Variants in MOB1B observed in about 807,000 individuals in gnomAD.
The protein encoded by MOB1B is MOB1 Mps One Binder homolog B.
In MOB1B, 19 loss-of-function variants were observed where a neutral mutation model predicts 24.4. That is an observed-to-expected ratio of 0.78 (90% confidence interval 0.54 to 1.14). The LOEUF is 1.14. Among genes scored for constraint, MOB1B ranks in the 50% most tolerant of loss-of-function variants. The pLI, the probability that MOB1B is intolerant of heterozygous loss-of-function variation, is 0.00. For synonymous variants in MOB1B, 76 were observed against 82.1 expected (o/e 0.93, Z 0.40); for missense variants, 243 against 259.6 (o/e 0.94, Z 0.44).
At chr4:70,903,642 TTTCTC>T (rs1284881824) in intron 1 of MOB1B, among the ~76,000 whole-genome samples, 2 of 152,242 alleles carry the variant, frequency 1.3e-5, no homozygotes, top group African/African-American at 4.8e-5. Flanking sequence ...TTTCTTAAGA[TTTCTC>T]TTCTTTCCTT....
Position 70,904,669 on chromosome 4 carries a change from G to GT in MOB1B, c.14+2120dup, listed in dbSNP as rs1168874751. On this transcript the variant is annotated intron_variant, in intron 1 of 5. Transcript: ENST00000309395. ...AGCTACTTGGGAGGCTGAGACGGGA[G>GT]TATCACTTGAACCCGGGAGGTAGAG... Among the ~76,000 whole-genome samples, 8 of 151,064 alleles carry GT rather than the reference G, an allele frequency of 5.3e-5. No individual in the cohort carries two copies. In the South Asian group the frequency reaches 1.3e-3, roughly 24 times the overall value.
At chr4:70,944,518 C>G (rs1737491103) in intron 1 of MOB1B, among the ~76,000 whole-genome samples, 2 of 152,044 alleles carry the variant, frequency 1.3e-5, no homozygotes, top group Non-Finnish European at 2.9e-5. Flanking sequence ...AGATTGTTGT[C>G]AAATTTGGGG....
chr4:70,965,398 AT>A (rs1294129075), intron 2 of MOB1B, among the ~76,000 whole-genome samples: 1 of 149,940 alleles, frequency 6.7e-6, no homozygotes, highest in Non-Finnish European at 1.5e-5. Flanking sequence ...TATTTTAAAA[AT>A]AATATTAATT....
At chr4:70,904,044 G>A (rs1455587807) in intron 1 of MOB1B, among the ~76,000 whole-genome samples, 2 of 146,770 alleles carry the variant, frequency 1.4e-5, no homozygotes, top group African/African-American at 2.5e-5. Context: ...GTGTAGTGGC[G>A]TGATCTCGGC....
intron 1 of MOB1B, among the ~76,000 whole-genome samples, chr4:70,906,691 A>T (rs1034367830): frequency 1.3e-5 from 2 of 152,160 alleles, no homozygotes; most frequent in African/African-American, 2.4e-5. Context: ...TGCACTGCAT[A>T]TGTGGGTTTG....
chr4:70,909,159 T>C (rs1735879527), intron 1 of MOB1B, among the ~76,000 whole-genome samples: 1 of 152,120 alleles, frequency 6.6e-6, no homozygotes, highest in South Asian at 2.1e-4. Flanking sequence ...TGTTTATATG[T>C]GTCTGTCTCT....
intron 1 of MOB1B, among the ~76,000 whole-genome samples, chr4:70,910,975 A>G (rs1213966079): frequency 6.6e-6 from 1 of 152,118 alleles, no homozygotes; most frequent in Non-Finnish European, 1.5e-5. Flanking sequence ...TTTAGTATGG[A>G]TGGGGTTTCA....
chr4:70,941,109 T>G (rs1190093214), intron 1 of MOB1B, among the ~76,000 whole-genome samples: 1 of 152,150 alleles, frequency 6.6e-6, no homozygotes, highest in Non-Finnish European at 1.5e-5. Flanking sequence ...CATTGTCTGA[T>G]TTTCTCTTTA....
chr4:70,902,848 C>G (rs1247220830), intron 1 of MOB1B, among the ~76,000 whole-genome samples: 1 of 152,228 alleles, frequency 6.6e-6, no homozygotes, highest in African/African-American at 2.4e-5. Context: ...TCTGCCTTCG[C>G]TCGCATTCCC....
At chr4:70,912,046 A>G (rs1736007810) in intron 1 of MOB1B, among the ~76,000 whole-genome samples, 1 of 151,158 alleles carries the variant, frequency 6.6e-6, no homozygotes, top group African/African-American at 2.4e-5. Context: ...ACAGTCGCCT[A>G]CCACCATGCT....
Position 70,982,150 on chromosome 4 carries a change from T to G in MOB1B, c.*93T>G. Reference sequence around the variant, plus strand: ...TATTTTGTTTTTATCTGGATTGTTTTTGTCCTAGGTTTGGGGGCGGGGGCT... The same window carrying G: ...TATTTTGTTTTTATCTGGATTGTTTGTGTCCTAGGTTTGGGGGCGGGGGCT... On this transcript the variant is annotated 3_prime_UTR_variant, in exon 6 of 6. Transcript: ENST00000309395. The G allele has an allele frequency of 1.1e-6, 1 of 904,430 alleles. No homozygotes were observed. The highest frequency in any genetic ancestry group is 1.7e-6 in the Non-Finnish European group (1 of 582,422). 56.0% of individuals were successfully genotyped at this position (904,430 alleles called of 1,614,324 possible). A position where few individuals can be genotyped will look rare whatever the true frequency, so the allele number is the denominator to read the frequency against.
chr4:70,966,662 C>T (rs185706947), intron 2 of MOB1B, among the ~76,000 whole-genome samples: 22 of 152,158 alleles, frequency 1.4e-4, no homozygotes, highest in African/African-American at 5.3e-4. Flanking sequence ...GCATGAGCCA[C>T]TGTGCCTGGC....
intron 1 of MOB1B, among the ~76,000 whole-genome samples, chr4:70,920,529 A>G (rs1024808041): frequency 6.6e-6 from 1 of 152,192 alleles, no homozygotes; most frequent in South Asian, 2.1e-4. Context: ...CTGGCTTCTT[A>G]TTATTACAGC....
At chr4:70,933,682 G>T (rs932586285) in intron 1 of MOB1B, among the ~76,000 whole-genome samples, 1 of 150,876 alleles carries the variant, frequency 6.6e-6, no homozygotes, top group African/African-American at 2.4e-5. Context: ...TTCCCGAGTA[G>T]CTGGGATTAC....
At position 70,902,443 on chromosome 4, in the gene MOB1B, G is replaced by C. The variant is rs1304912892; in HGVS notation, c.-94G>C. The C allele has an allele frequency of 7.3e-7, 1 of 1,374,376 alleles. No homozygotes were observed. The highest frequency in any genetic ancestry group is 1.4e-5 in the African/African-American group (1 of 69,794). 85.1% of individuals were successfully genotyped at this position (1,374,376 alleles called of 1,614,324 possible). ...TCGGCACCTCCTCCTCCGCCTCCCT[G>C]TCTCCTGTTCCATTCGCCTTTCCTC... On this transcript the variant is annotated 5_prime_UTR_variant, in exon 1 of 6. Transcript: ENST00000309395.
At chr4:70,918,923 G>T (rs1461267684) in intron 1 of MOB1B, among the ~76,000 whole-genome samples, 2 of 151,522 alleles carry the variant, frequency 1.3e-5, no homozygotes, top group East Asian at 3.9e-4. Flanking sequence ...AATGTCCAAC[G>T]ATAGACTGGA....
intron 1 of MOB1B, among the ~76,000 whole-genome samples, chr4:70,926,896 C>A (rs1736679894): frequency 6.6e-6 from 1 of 151,548 alleles, no homozygotes; most frequent in Non-Finnish European, 1.5e-5. Flanking sequence ...ACTTGGGAGG[C>A]TGAGGCAGGA....
chr4:70,932,588 G>A (rs909015315), intron 1 of MOB1B, among the ~76,000 whole-genome samples: 10 of 152,314 alleles, frequency 6.6e-5, no homozygotes, highest in Non-Finnish European at 1.2e-4. Context: ...GTTCTAGAGA[G>A]GCTGGGAAGT....
At chr4:70,925,053 TA>T (rs1295984026) in intron 1 of MOB1B, among the ~76,000 whole-genome samples, 1 of 152,202 alleles carries the variant, frequency 6.6e-6, no homozygotes, top group Non-Finnish European at 1.5e-5. Context: ...ATTTTTATTT[TA>T]TTTTTTTGAG....
Sources: gnomAD v4.1 joint callset for allele counts (sites outside exome capture counted in the v4.1 genomes callset) on GRCh38, gnomAD v4.1.1 for gene constraint, MANE v1.5 for transcripts, NCBI Gene and HGNC (gene_info 2026-07-23, HGNC 2026-07-21) for gene names.